NOM1: variants seen among roughly 807,000 people sequenced by gnomAD.
The protein encoded by NOM1 is nucleolar protein with MIF4G domain 1.
NOM1 carries 58 observed loss-of-function variants against 73.3 expected under a neutral mutation model. The ratio of observed to expected loss-of-function variants is 0.79; its 90% CI spans 0.64 to 0.99. NOM1 has a LOEUF of 0.99. Among genes scored for constraint, NOM1 ranks in the 50% least tolerant of loss-of-function variants. NOM1 has a pLI of 0.00. For missense variants in NOM1, 1,226 were observed against 1,131.9 expected (o/e 1.08, Z -1.19); for synonymous variants, 487 against 446.8 (o/e 1.09, Z -1.14).
intron 2 of NOM1, among the ~76,000 whole-genome samples, 179 bp downstream of exon 2, chr7:156,952,777 G>A (rs964541331): frequency 6.6e-6 from 1 of 152,016 alleles, no homozygotes; most frequent in African/African-American, 2.4e-5. Context: ...GAGGATACCC[G>A]ACTGTTGGCT....
chr7:156,959,068 AAAAT>A lies in NOM1; in HGVS notation c.1309-782_1309-779del, dbSNP rs1804796728. On this transcript the variant is annotated intron_variant, in intron 3 of 10. Transcript: ENST00000275820. ...TGAATTTGGGGTAAAAATCTGCAAA[AAAAT>A]CTTTTAAGAAATGAATATTGTTAGG... Among the ~76,000 whole-genome samples, 3 of 152,032 alleles carry A rather than the reference AAAAT, an allele frequency of 2.0e-5. No homozygotes were observed. In the South Asian group the frequency reaches 6.3e-4, roughly 32 times the overall value.
In NOM1 at chr7:156,969,181, G is replaced by A. The variant is rs1433181784; in HGVS notation, c.2393G>A (p.Ser798Asn). The change falls in exon 10 of 11, where the codon AGT (serine) becomes AAT (asparagine). Residue 798 changes from serine to asparagine, a missense_variant. By Grantham distance (46) the Ser-to-Asn change is conservative (BLOSUM62 1). Transcript: ENST00000275820. ...ATGGAAACAGAAGTTGAAGACCTCA[G>A]TTTAATTTTCACAAGGTATGTGCCC... ...LLMETEVEDL[S>N]LIFTRVSDNP... 1.3e-6 allele frequency: 2 copies of A among 1,553,280 alleles called. No homozygotes were observed. The highest frequency in any genetic ancestry group is 2.7e-5 in the African/African-American group (2 of 73,916).
Position 156,950,199 on chromosome 7 carries a change from G to C in NOM1, c.462G>C (p.Thr154=). The change falls in exon 1 of 11, where the codon ACG becomes ACC. Residue 154 remains threonine (T), a synonymous_variant. Transcript: ENST00000275820. ...CGTCCCGGGTCAAGGCCAAGGCCAC[G>C]GCCGCCACCGCAAAGACCAGACCCT... ...PRPSRVKAKA[T]AATAKTRPSA... The C allele has an allele frequency of 1.2e-6, 2 of 1,609,444 alleles. No homozygotes were observed. The highest frequency in any genetic ancestry group is 1.7e-6 in the Non-Finnish European group (2 of 1,179,436).
Position 156,966,394 on chromosome 7 carries a change from A to G in NOM1, c.2158A>G (p.Arg720Gly), listed in dbSNP as rs1462155278. ...TAGCAAATTCTGTGAATATGAAAGG[A>G]GATTTCAGGTAGCTTAGTGCGGAGG... ...LASKFCEYERRFQMTFQFSIW... is the reference protein window; with the variant it reads ...LASKFCEYERGFQMTFQFSIW... Residue 720 changes from arginine (R) to glycine (G), a missense_variant, in exon 8 of 11, where the codon AGA becomes GGA. Coordinates refer to ENST00000275820, the MANE Select transcript of NOM1 (RefSeq NM_138400.2). 1 of 1,614,144 alleles carries G rather than the reference A, an allele frequency of 6.2e-7. No homozygotes were observed. The highest frequency in any genetic ancestry group is 8.5e-7 in the Non-Finnish European group (1 of 1,180,030).
chr7:156,951,748 T>C (rs73172027), intron 1 of NOM1, among the ~76,000 whole-genome samples: 42,074 of 151,544 alleles, frequency 0.28, 6,076 homozygotes, highest in East Asian at 0.47. Context: ...TGCACTGTCG[T>C]CTAGGCTGGA....
intron 3 of NOM1, among the ~76,000 whole-genome samples, chr7:156,954,522 C>T (rs202169254): frequency 5.0e-4 from 51 of 101,624 alleles, no homozygotes; most frequent in South Asian, 9.4e-4. Context: ...TCTGTCCATT[C>T]TTTTTTTTTT....
In NOM1 at chr7:156,950,351, G is replaced by T. The variant is rs144018314; in HGVS notation, c.614G>T (p.Ser205Ile). The T allele has an allele frequency of 2.8e-5, 46 of 1,614,104 alleles. No homozygotes were observed. In the African/African-American group the frequency reaches 5.9e-4, roughly 21 times the overall value. The stretch of plus-strand genomic sequence containing the variant: ...AAGCGCAAAAAGAAGGACGGCAGCA[G>T]CTCCGTGCCGCTGAGCTTTGCACGC... ...LNKRKKKDGS[S>I]SVPLSFARDG... The change falls in exon 1 of 11, where the codon AGC (serine) becomes ATC (isoleucine). Residue 205 changes from serine to isoleucine, a missense_variant. Physicochemically the swap from Ser to Ile is moderately radical, Grantham distance 142. Transcript: ENST00000275820.
At chr7:156,958,366 T>C (rs998672628) in intron 3 of NOM1, among the ~76,000 whole-genome samples, 1 of 152,204 alleles carries the variant, frequency 6.6e-6, no homozygotes, top group Non-Finnish European at 1.5e-5. Flanking sequence ...CTGCCATGCG[T>C]TGCTGTGTTA....
At chr7:156,958,937 C>T (rs1435189471) in intron 3 of NOM1, 1 of 152,220 alleles carries the variant, frequency 6.6e-6, no homozygotes, top group Non-Finnish European at 1.5e-5. Flanking sequence ...CACCTGGAGC[C>T]CTTCCAGAGA....
intron 7 of NOM1, among the ~76,000 whole-genome samples, chr7:156,965,962 C>A (rs911001285): frequency 6.6e-6 from 1 of 152,192 alleles, no homozygotes; most frequent in Non-Finnish European, 1.5e-5. Flanking sequence ...GGAACCAGCT[C>A]TAAGGGCACA....
At position 156,969,923 on chromosome 7, in the gene NOM1, A is replaced by G. The variant is rs189873921; in HGVS notation, c.*220A>G. ...GGGGTGAGAGGAGAAGGAGGGAGGG[A>G]AAAGGGGTCAGGCACACTGGACAGG... is the stretch of plus-strand genomic sequence containing the variant. On this transcript the variant is annotated 3_prime_UTR_variant, in exon 11 of 11. Coordinates refer to ENST00000275820, the MANE Select transcript of NOM1 (RefSeq NM_138400.2). The G allele has an allele frequency of 1.3e-4, 48 of 377,642 alleles. No individual in the cohort carries two copies. The East Asian group carries it at 2.3e-3, about 18-fold the overall frequency. 23.4% of individuals were successfully genotyped at this position (377,642 alleles called of 1,614,324 possible).
At chr7:156,965,036 C>G (rs1441976384) in intron 7 of NOM1, among the ~76,000 whole-genome samples, 1 of 152,228 alleles carries the variant, frequency 6.6e-6, no homozygotes, top group Non-Finnish European at 1.5e-5. Flanking sequence ...AGTTATGAGT[C>G]TAAGCTTTTA....
intron 3 of NOM1, among the ~76,000 whole-genome samples, chr7:156,954,863 ATC>A (rs1342333671): frequency 6.6e-6 from 1 of 152,210 alleles, no homozygotes; most frequent in East Asian, 1.9e-4. Flanking sequence ...CTCGACTGAC[ATC>A]TCAGACGTGC....
chr7:156,958,850 G>A (rs1452260537), intron 3 of NOM1: 1 of 152,202 alleles, frequency 6.6e-6, no homozygotes, highest in South Asian at 2.1e-4. Flanking sequence ...ACCACTGGCT[G>A]AGCCAAGTGA....
chr7:156,968,272 G>A (rs371589852), intron 9 of NOM1, among the ~76,000 whole-genome samples: 1 of 152,220 alleles, frequency 6.6e-6, no homozygotes, highest in South Asian at 2.1e-4. Flanking sequence ...TACCACCGAT[G>A]AGCGGGAGAG....
At position 156,969,522 on chromosome 7, in the gene NOM1, T is replaced by A. The variant is rs1271508523; in HGVS notation, c.2409-7T>A. ...CCCTGACATGTGTTTATACGATTCC[T>A]TTCCAGAGTATCTGACAACCCAAAG... is the stretch of plus-strand genomic sequence containing the variant. On this transcript the variant is annotated splice_region_variant and splice_polypyrimidine_tract_variant and intron_variant, in intron 10 of 10. Coordinates refer to ENST00000275820, the MANE Select transcript of NOM1 (RefSeq NM_138400.2). The A allele has an allele frequency of 6.2e-7, 1 of 1,612,286 alleles. No individual in the cohort carries two copies. The highest frequency in any genetic ancestry group is 1.3e-5 in the African/African-American group (1 of 74,992).
chr7:156,955,634 T>C (rs1435474043), intron 3 of NOM1, among the ~76,000 whole-genome samples: 1 of 152,148 alleles, frequency 6.6e-6, no homozygotes, highest in East Asian at 1.9e-4. Context: ...TCCTAAAGTG[T>C]CCCGGTGAGA....
Position 156,950,071 on chromosome 7 carries a change from G to T in NOM1, c.334G>T (p.Gly112Cys), listed in dbSNP as rs1262991472. 1 of 1,544,392 alleles carries T rather than the reference G, an allele frequency of 6.5e-7. No homozygotes were observed. Among genetic ancestry groups the T allele is most frequent in the Non-Finnish European group, 8.7e-7 (1 of 1,147,140 alleles). Reference protein sequence around the residue: ...AGPEQGPGLGGRSGAEEASGH... With the variant: ...AGPEQGPGLGCRSGAEEASGH... Reference sequence around the variant, plus strand: ...CCCCGAACAGGGTCCCGGCCTGGGAGGCCGAAGCGGAGCCGAAGAAGCCAG... The same window carrying T: ...CCCCGAACAGGGTCCCGGCCTGGGATGCCGAAGCGGAGCCGAAGAAGCCAG... The change falls in exon 1 of 11, where the codon GGC becomes TGC. Residue 112 changes from glycine (G) to cysteine (C), a missense_variant. Physicochemically the swap from Gly to Cys is radical, Grantham distance 159. Coordinates refer to ENST00000275820, the MANE Select transcript of NOM1 (RefSeq NM_138400.2).
At position 156,969,924 on chromosome 7, in the gene NOM1, A is replaced by C; in HGVS notation, c.*221A>C. The stretch of plus-strand genomic sequence containing the variant: ...GGGTGAGAGGAGAAGGAGGGAGGGA[A>C]AAGGGGTCAGGCACACTGGACAGGG... On this transcript the variant is annotated 3_prime_UTR_variant, in exon 11 of 11. Transcript: ENST00000275820. 1.6e-5 allele frequency: 6 copies of C among 369,408 alleles called. No individual in the cohort carries two copies. The highest frequency in any genetic ancestry group is 4.9e-5 in the East Asian group (1 of 20,304). The allele number at this position is 369,408 out of a possible 1,614,324, so 22.9% of individuals were successfully genotyped here.
Sources: gnomAD v4.1 joint callset for allele counts (sites outside exome capture counted in the v4.1 genomes callset) on GRCh38, gnomAD v4.1.1 for gene constraint, MANE v1.5 for transcripts, NCBI Gene and HGNC (gene_info 2026-07-23, HGNC 2026-07-21) for gene names.